The following ZIM2 variants were observed in gnomAD, a reference collection of about 807,000 sequenced individuals.
ZIM2 encodes zinc finger imprinted 2.
ZIM2 carries 14 observed loss-of-function variants against 38.6 expected under a neutral mutation model. That is an observed-to-expected ratio of 0.36 (90% CI 0.24 to 0.57). The LOEUF (loss-of-function observed/expected upper bound fraction) is 0.57. Among genes scored for constraint, ZIM2 ranks in the 20% least tolerant of loss-of-function variants. The pLI, the probability that ZIM2 is intolerant of heterozygous loss-of-function variation, is 0.81. For synonymous variants in ZIM2, 247 were observed against 245.8 expected (o/e 1.00, Z -0.04); for missense variants, 680 against 695.1 (o/e 0.98, Z 0.24).
chr19:56,785,103 C>A (rs1291331328), intron 10 of ZIM2, among the ~76,000 whole-genome samples: 2 of 152,054 alleles, frequency 1.3e-5, no homozygotes, highest in African/African-American at 4.8e-5. Flanking sequence ...GGTTTTGTGG[C>A]TTCTGATTAA....
At chr19:56,794,972 CTT>C (rs1450706346) in intron 9 of ZIM2, among the ~76,000 whole-genome samples, 4 of 152,208 alleles carry the variant, frequency 2.6e-5, no homozygotes, top group African/African-American at 9.6e-5. Flanking sequence ...ACGGCTTTCT[CTT>C]TGTTTCAGAT....
At chr19:56,809,887 C>T (rs2047988387) in intron 9 of ZIM2, among the ~76,000 whole-genome samples, 1 of 152,042 alleles carries the variant, frequency 6.6e-6, no homozygotes, top group Admixed American at 6.6e-5. Context: ...AGGGCAGTTA[C>T]AAATGTGAAA....
At chr19:56,790,000 C>T in intron 9 of ZIM2, 49 bp from the exon 10 acceptor site, 1 of 1,434,710 alleles carries the variant, frequency 7.0e-7, no homozygotes, top group East Asian at 2.5e-5. Context: ...TCTGGTAGCA[C>T]TGACAGACAC....
intron 9 of ZIM2, among the ~76,000 whole-genome samples, chr19:56,804,307 C>T (rs2047658310): frequency 6.6e-6 from 1 of 152,202 alleles, no homozygotes. Context: ...TGACACTGCA[C>T]ATCAGGTGGC....
chr19:56,814,503 G>T lies in ZIM2; in HGVS notation c.490+3243C>A. 1 of 1,613,448 alleles carries T rather than the reference G, an allele frequency of 6.2e-7. No homozygotes were observed. The highest frequency in any genetic ancestry group is 1.1e-5 in the South Asian group (1 of 91,064). On this transcript the variant is annotated intron_variant, in intron 9 of 12. Transcript: ENST00000629319. This position sits in a 1 kb window ranked among gnomAD's most constrained non-coding sequence, Gnocchi z 5.8. ...TAAGAAATGAGGTGTGAGTATAGGA[G>T]GACCCGTACTCATAGGGCTCATTCT... is the stretch of plus-strand genomic sequence containing the variant.
intron 10 of ZIM2, among the ~76,000 whole-genome samples, chr19:56,788,005 G>A (rs988498281): frequency 6.7e-6 from 1 of 149,660 alleles, no homozygotes; most frequent in Non-Finnish European, 1.5e-5. Flanking sequence ...TCCTTTATTA[G>A]TCTGGTAAGC....
chr19:56,807,007 A>C (rs2047789702), intron 9 of ZIM2, among the ~76,000 whole-genome samples: 1 of 152,154 alleles, frequency 6.6e-6, no homozygotes, highest in African/African-American at 2.4e-5. Context: ...AAATATACAC[A>C]TACTCTTGGT....
chr19:56,836,136 G>C (rs560839560), intron 1 of ZIM2, 32 bp from the exon 2 acceptor site: 555 of 452,148 alleles, frequency 1.2e-3, no homozygotes, highest in Non-Finnish European at 1.9e-3. Context: ...GAGACGCCAA[G>C]TTTATTTTGC....
intron 2 of ZIM2, among the ~76,000 whole-genome samples, chr19:56,835,168 TG>T (rs1568723313): frequency 6.6e-6 from 1 of 152,104 alleles, no homozygotes; most frequent in East Asian, 1.9e-4. Flanking sequence ...CCACACCCAC[TG>T]CGTCCACCCT....
intron 2 of ZIM2, among the ~76,000 whole-genome samples, chr19:56,829,977 G>A (rs1001441142): frequency 2.0e-5 from 3 of 152,230 alleles, no homozygotes; most frequent in Non-Finnish European, 1.5e-5. Context: ...AAGGTCTAAA[G>A]GCTTGCCTGA....
At chr19:56,779,347 T>TTCCCCCTCAC (rs768976226) in intron 12 of ZIM2, 30 bp downstream of exon 12, 5 of 1,610,476 alleles carry the variant, frequency 3.1e-6, no homozygotes, top group Middle Eastern at 1.7e-4. Context: ...TTCCCCCTCC[T>TTCCCCCTCAC]ACACCCCGGG....
In ZIM2 at chr19:56,824,208, C is replaced by T. The variant is rs959846892; in HGVS notation, c.16+54G>A. The T allele has an allele frequency of 2.8e-5, 44 of 1,580,386 alleles. No homozygotes were observed. The South Asian group carries it at 4.8e-4, about 17-fold the overall frequency. The stretch of plus-strand genomic sequence containing the variant: ...GTCAGAAGTGTGGAGGCTGAGAGCC[C>T]CAGGGGACACCTGAGGCCTGCACTG... On this transcript the variant is annotated intron_variant, in intron 4 of 12. Transcript: ENST00000629319.
In ZIM2 at chr19:56,814,323, T is replaced by C. The variant is rs2059773911; in HGVS notation, c.490+3423A>G. 1 of 1,614,140 alleles carries C rather than the reference T, an allele frequency of 6.2e-7. No homozygotes were observed. Among genetic ancestry groups the C allele is most frequent in the Non-Finnish European group, 8.5e-7 (1 of 1,180,020 alleles). ...GTGGAACATGGACATTGGCTTCAACTTCCTGGGCTGCTGCTGCTGCAGCTG... is the reference window on the plus strand; with the variant it reads ...GTGGAACATGGACATTGGCTTCAACCTCCTGGGCTGCTGCTGCTGCAGCTG... On this transcript the variant is annotated intron_variant, in intron 9 of 12. Transcript: ENST00000629319. This position sits in a 1 kb window ranked among gnomAD's most constrained non-coding sequence, Gnocchi z 5.8.
chr19:56,815,643 C>T (rs575139140), intron 9 of ZIM2: 3 of 1,614,178 alleles, frequency 1.9e-6, no homozygotes, highest in African/African-American at 1.3e-5. Flanking sequence ...CACGAGCCTT[C>T]TGGTATTCAC....
At chr19:56,813,041 G>A (rs2059646285) in intron 9 of ZIM2, 10 of 985,170 alleles carry the variant, frequency 1.0e-5, no homozygotes, top group Non-Finnish European at 1.1e-5. Context: ...TAAAAGCCAT[G>A]TTATCTATCA....
At chr19:56,781,172 T>C (rs1300260443) in intron 11 of ZIM2, among the ~76,000 whole-genome samples, 2 of 152,206 alleles carry the variant, frequency 1.3e-5, no homozygotes, top group Non-Finnish European at 2.9e-5. Context: ...GTTAAACATA[T>C]GCATCCCTGT....
At chr19:56,828,901 G>T (rs974839241) in intron 2 of ZIM2, among the ~76,000 whole-genome samples, 5 of 152,134 alleles carry the variant, frequency 3.3e-5, no homozygotes, top group African/African-American at 1.2e-4. Flanking sequence ...GTGTAGAGAA[G>T]CTAGCTGGTG....
chr19:56,821,346 A>C (rs2060467853), intron 7 of ZIM2, among the ~76,000 whole-genome samples: 1 of 152,136 alleles, frequency 6.6e-6, no homozygotes, highest in South Asian at 2.1e-4. Flanking sequence ...GAGGACCAGA[A>C]ACATCTCCAG....
Position 56,792,307 on chromosome 19 carries a change from C to T in ZIM2, c.491-2356G>A, listed in dbSNP as rs188024138. ...TTTTGGGAGGCTGAGGTGATCCACC[C>T]GGATCACAAGGTCAGGAGTTCGAGA... On this transcript the variant is annotated intron_variant, in intron 9 of 12. Coordinates refer to ENST00000629319, the MANE Select transcript of ZIM2 (RefSeq NM_001387356.1). Among the ~76,000 whole-genome samples the T allele has an allele frequency of 2.2e-3, 339 of 151,624 alleles. 2 individuals are homozygous for T. The highest frequency in any genetic ancestry group is 7.8e-3 in the African/African-American group (324 of 41,332).
Sources: allele counts gnomAD v4.1 joint callset (sites outside exome capture counted in the v4.1 genomes callset), GRCh38; gene constraint gnomAD v4.1.1; non-coding constraint Gnocchi (gnomAD v3.1); transcripts MANE v1.5; gene names NCBI Gene and HGNC (gene_info 2026-07-23, HGNC 2026-07-21).